MCMBP: variants seen among roughly 807,000 people sequenced by gnomAD.
MCMBP encodes the protein mini-chromosome maintenance complex-binding protein.
A neutral mutation model predicts 81.3 loss-of-function variants in MCMBP; 31 were observed. The ratio of observed to expected loss-of-function variants is 0.38; its 90% CI spans 0.29 to 0.51. The LOEUF (loss-of-function observed/expected upper bound fraction) is 0.51, where lower values mean the gene tolerates loss of function less well. Ranked by LOEUF, MCMBP falls within the 20% of genes least tolerant of loss-of-function variation. The pLI is 0.87. For missense variants in MCMBP, 645 were observed against 772.1 expected, an observed-to-expected ratio of 0.84 and a Z score of 1.95; for synonymous variants, 267 against 275.9, an observed-to-expected ratio of 0.97 and a Z score of 0.32.
chr10:119,832,159 A>G, intron 14 of MCMBP, 59 bp from the exon 15 acceptor site: 1 of 1,496,018 alleles, frequency 6.7e-7, no homozygotes, highest in South Asian at 1.2e-5. Flanking sequence ...GAAAATTAAC[A>G]TGGTTCCTTG....
chr10:119,840,677 G>A (rs1312007196), intron 11 of MCMBP, among the ~76,000 whole-genome samples, 166 bp downstream of exon 11: 1 of 152,168 alleles, frequency 6.6e-6, no homozygotes, highest in Non-Finnish European at 1.5e-5. Flanking sequence ...AAAGTGAAAT[G>A]TTTAGGGGAA....
intron 6 of MCMBP, among the ~76,000 whole-genome samples, chr10:119,852,441 G>T (rs904591806): frequency 1.3e-5 from 2 of 152,212 alleles, no homozygotes; most frequent in African/African-American, 2.4e-5. Flanking sequence ...TTGGGAGGCT[G>T]ATATAGAAGG....
intron 6 of MCMBP, among the ~76,000 whole-genome samples, chr10:119,851,184 T>G (rs1852814283): frequency 6.6e-6 from 1 of 152,090 alleles, no homozygotes; most frequent in South Asian, 2.1e-4. Flanking sequence ...TATTATTTCT[T>G]ACAACTGCAT....
intron 6 of MCMBP, among the ~76,000 whole-genome samples, chr10:119,852,242 C>T (rs117830868): frequency 0.016 from 2,376 of 150,274 alleles, 24 homozygotes; most frequent in Middle Eastern, 0.039. Context: ...GCCTCCTTGT[C>T]CTTTAATTTT....
rs747668253 is a variant in MCMBP at position 119,838,679 on chromosome 10, T to C, written c.1264A>G (p.Ile422Val). ...AATTTCAAATGGTTCATGTTCTCTA[T>C]AGTCATCTGCAGACGAAAAGACTGC... Reference protein sequence around the residue: ...VPASFRLQMTIENMNHLKFIP... With the variant: ...VPASFRLQMTVENMNHLKFIP... The change falls in exon 12 of 16, where the codon ATA becomes GTA. Residue 422 changes from isoleucine to valine, a missense_variant. Coordinates refer to ENST00000369077, the MANE Select transcript of MCMBP (RefSeq NM_001256378.2). 3 of 1,611,118 alleles carry C rather than the reference T, an allele frequency of 1.9e-6. No homozygotes were observed. Among genetic ancestry groups the C allele is most frequent in the Admixed American group, 1.7e-5 (1 of 59,934 alleles).
intron 13 of MCMBP, 28 bp downstream of exon 13, chr10:119,836,868 C>T: frequency 1.3e-6 from 2 of 1,521,552 alleles, no homozygotes; most frequent in East Asian, 2.4e-5. Flanking sequence ...ATGTCAACCT[C>T]CCTCCATTTA....
Position 119,830,660 on chromosome 10 carries a change from G to A in MCMBP, c.*814C>T, listed in dbSNP as rs1288394725. 2 of 152,532 alleles carry A rather than the reference G, an allele frequency of 1.3e-5. No individual in the cohort carries two copies. The highest frequency in any genetic ancestry group is 4.8e-5 in the African/African-American group (2 of 41,420). 9.4% of individuals were successfully genotyped at this position (152,532 alleles called of 1,614,324 possible). On this transcript the variant is annotated 3_prime_UTR_variant, in exon 16 of 16. Transcript: ENST00000369077. Reference sequence around the variant, plus strand: ...TAGGAGAAAATAAAGACAATGTAGTGTCTTGGTTTCTTTTGCCCCCAAAAG... The same window carrying A: ...TAGGAGAAAATAAAGACAATGTAGTATCTTGGTTTCTTTTGCCCCCAAAAG...
chr10:119,869,984 G>A (rs1284112464), intron 1 of MCMBP, among the ~76,000 whole-genome samples: 2 of 152,212 alleles, frequency 1.3e-5, no homozygotes, highest in African/African-American at 2.4e-5. Context: ...TGCTAACACC[G>A]AGGAGGTGAA....
chr10:119,859,517 T>C (rs1034443254), intron 2 of MCMBP, among the ~76,000 whole-genome samples: 3 of 152,220 alleles, frequency 2.0e-5, no homozygotes, highest in Admixed American at 2.0e-4. Context: ...CCAATTCTTT[T>C]AAAATGAAGG....
chr10:119,829,467 C>T lies in MCMBP; in HGVS notation c.*2007G>A, dbSNP rs929210522. 1.3e-5 allele frequency: 2 copies of T among 152,196 alleles called. No homozygotes were observed. Among genetic ancestry groups the T allele is most frequent in the Non-Finnish European group, 2.9e-5 (2 of 68,038 alleles). The allele number at this position is 152,196 out of a possible 1,614,324, so 9.4% of individuals were successfully genotyped here. ...AGTTCGAAAGAGATCTTTGAAAAAT[C>T]ATTTTAAGAAGGCAAAGTTCCAAAC... is the stretch of plus-strand genomic sequence containing the variant. On this transcript the variant is annotated 3_prime_UTR_variant, in exon 16 of 16. Coordinates refer to ENST00000369077, the MANE Select transcript of MCMBP (RefSeq NM_001256378.2).
intron 6 of MCMBP, among the ~76,000 whole-genome samples, chr10:119,851,096 G>A (rs1852809287): frequency 6.6e-6 from 1 of 151,790 alleles, no homozygotes; most frequent in Admixed American, 6.6e-5. Flanking sequence ...TGGAACTCCT[G>A]ACCTCAAGTG....
In MCMBP at chr10:119,830,131, T is replaced by C. The variant is rs1851956225; in HGVS notation, c.*1343A>G. The C allele has an allele frequency of 6.5e-6, 1 of 152,672 alleles. No homozygotes were observed. The highest frequency in any genetic ancestry group is 1.5e-5 in the Non-Finnish European group (1 of 68,036). The allele number at this position is 152,672 out of a possible 1,614,324, so 9.5% of individuals were successfully genotyped here. ...AAGTTGAACAACTAGTTATTTTTAC[T>C]TCAGTTATTAGGTACAATGAATTCC... On this transcript the variant is annotated 3_prime_UTR_variant, in exon 16 of 16. Coordinates refer to ENST00000369077, the MANE Select transcript of MCMBP (RefSeq NM_001256378.2).
intron 1 of MCMBP, among the ~76,000 whole-genome samples, chr10:119,869,759 A>C: frequency 6.6e-6 from 1 of 152,130 alleles, no homozygotes; most frequent in Non-Finnish European, 1.5e-5. Flanking sequence ...AAACAAAAAC[A>C]AAACCCCTAG....
At chr10:119,862,181 C>T (rs577297976) in intron 1 of MCMBP, among the ~76,000 whole-genome samples, 2 of 152,254 alleles carry the variant, frequency 1.3e-5, no homozygotes, top group Admixed American at 1.3e-4. Flanking sequence ...ATGGTGTGCG[C>T]CTGTAATCCC....
At chr10:119,841,262 A>G (rs1159516989) in intron 10 of MCMBP, among the ~76,000 whole-genome samples, 1 of 152,218 alleles carries the variant, frequency 6.6e-6, no homozygotes, top group Non-Finnish European at 1.5e-5. Context: ...CACAGAGATG[A>G]TAATAAGCAA....
intron 6 of MCMBP, among the ~76,000 whole-genome samples, chr10:119,851,663 AT>A (rs1282586689): frequency 6.6e-6 from 1 of 152,114 alleles, no homozygotes; most frequent in African/African-American, 2.4e-5. Flanking sequence ...TAGACCATTA[AT>A]TTTAATATAT....
chr10:119,853,676 C>T (rs1852914868), intron 5 of MCMBP, among the ~76,000 whole-genome samples: 1 of 152,314 alleles, frequency 6.6e-6, no homozygotes, highest in Admixed American at 6.5e-5. Context: ...CTGAAGGTTC[C>T]ATTTGGATCT....
chr10:119,859,937 A>T, intron 1 of MCMBP, 53 bp from the exon 2 acceptor site: 2 of 1,348,930 alleles, frequency 1.5e-6, no homozygotes, highest in Non-Finnish European at 2.1e-6. Flanking sequence ...ATATAATAAA[A>T]GACTATGATC....
At chr10:119,868,894 G>A (rs535588330) in intron 1 of MCMBP, among the ~76,000 whole-genome samples, 25 of 152,296 alleles carry the variant, frequency 1.6e-4, no homozygotes, top group East Asian at 9.6e-4. Flanking sequence ...GGTTCAGTGC[G>A]GCTGGGATGG....
Sources: gnomAD v4.1 joint callset for allele counts (sites outside exome capture counted in the v4.1 genomes callset) on GRCh38, gnomAD v4.1.1 for gene constraint, MANE v1.5 for transcripts, NCBI Gene and HGNC (gene_info 2026-07-23, HGNC 2026-07-21) for gene names.